MAST4: variants seen among roughly 807,000 people sequenced by gnomAD.
MAST4 encodes microtubule associated serine/threonine kinase family member 4, also known as microtubule-associated serine/threonine-protein kinase 4.
In MAST4, 89 loss-of-function variants were observed where a neutral mutation model predicts 162.7. The ratio of observed to expected loss-of-function variants is 0.55; its 90% CI spans 0.46 to 0.65. MAST4 has a LOEUF of 0.65. MAST4 is among the 30% of genes least tolerant of loss of function. The pLI, the probability that MAST4 is intolerant of heterozygous loss-of-function variation, is 0.00. For missense variants in MAST4, 3,153 were observed against 3,374.0 expected (o/e 0.93, Z 1.62); for synonymous variants, 1,479 against 1,361.1 (o/e 1.09, Z -1.91).
chr5:67,120,053 T>C (rs2150949141), intron 13 of MAST4, among the ~76,000 whole-genome samples: 1 of 152,322 alleles, frequency 6.6e-6, no homozygotes, highest in Middle Eastern at 3.4e-3. Flanking sequence ...TGATGGAGCA[T>C]TGGCAGGTGA....
chr5:67,125,961 G>A (rs1018190505), intron 14 of MAST4, among the ~76,000 whole-genome samples: 1 of 152,098 alleles, frequency 6.6e-6, no homozygotes, highest in African/African-American at 2.4e-5. Flanking sequence ...GGCGAGAGAT[G>A]GTATCTCATT....
intron 3 of MAST4, among the ~76,000 whole-genome samples, chr5:66,843,398 C>G (rs1389271284): frequency 6.6e-6 from 1 of 152,182 alleles, no homozygotes; most frequent in African/African-American, 2.4e-5. Flanking sequence ...AGTTAGCCTT[C>G]CTGAACAGTT....
intron 4 of MAST4, among the ~76,000 whole-genome samples, chr5:66,911,567 C>T (rs1403935415): frequency 2.6e-5 from 2 of 76,798 alleles, no homozygotes; most frequent in Non-Finnish European, 5.8e-5. Context: ...AACCCCCCCC[C>T]CCCCCCCCGC....
chr5:66,973,040 A>G (rs1434955125), intron 4 of MAST4, among the ~76,000 whole-genome samples: 1 of 152,158 alleles, frequency 6.6e-6, no homozygotes, highest in Non-Finnish European at 1.5e-5. Flanking sequence ...AACACTTGCC[A>G]CATTTGCTCT....
chr5:67,162,835 G>A, intron 28 of MAST4, 47 bp downstream of exon 28: 1 of 1,542,372 alleles, frequency 6.5e-7, no homozygotes, highest in South Asian at 1.2e-5. Context: ...GGGAGGTAAA[G>A]TCATGTGAGG....
chr5:67,050,342 G>A (rs145727880), intron 4 of MAST4, among the ~76,000 whole-genome samples: 1 of 152,272 alleles, frequency 6.6e-6, no homozygotes, highest in Non-Finnish European at 1.5e-5. Context: ...TCCTGGTGGT[G>A]ACCTCATGTC....
At chr5:67,036,944 T>G (rs1756091379) in intron 4 of MAST4, among the ~76,000 whole-genome samples, 1 of 152,180 alleles carries the variant, frequency 6.6e-6, no homozygotes, top group Non-Finnish European at 1.5e-5. Context: ...GACTAATCAT[T>G]TGTCCCTCAC....
At chr5:66,718,852 T>A (rs536910838) in intron 1 of MAST4, among the ~76,000 whole-genome samples, 3 of 152,250 alleles carry the variant, frequency 2.0e-5, no homozygotes, top group South Asian at 4.1e-4. Flanking sequence ...TGACTTCGAG[T>A]ATAGTTTGTG....
chr5:66,731,694 C>T (rs1275805625), intron 1 of MAST4, among the ~76,000 whole-genome samples: 1 of 151,932 alleles, frequency 6.6e-6, no homozygotes, highest in Admixed American at 6.6e-5. Flanking sequence ...CCTTTGTCTC[C>T]ACTCTCATTT....
At chr5:66,938,753 C>A (rs1019802887) in intron 4 of MAST4, among the ~76,000 whole-genome samples, 1 of 152,098 alleles carries the variant, frequency 6.6e-6, no homozygotes, top group African/African-American at 2.4e-5. Flanking sequence ...TCAGTAGGCA[C>A]AAGATTGGTT....
At chr5:66,935,094 T>A (rs1742598083) in intron 4 of MAST4, among the ~76,000 whole-genome samples, 1 of 152,076 alleles carries the variant, frequency 6.6e-6, no homozygotes, top group African/African-American at 2.4e-5. Context: ...CGTGAGAGAG[T>A]GTATCAAAAA....
chr5:66,947,624 T>C (rs1226993333), intron 4 of MAST4, among the ~76,000 whole-genome samples: 1 of 152,172 alleles, frequency 6.6e-6, no homozygotes, highest in Non-Finnish European at 1.5e-5. Context: ...GAAATATCCA[T>C]AGGAGTCTCT....
chr5:67,144,912 C>G, intron 22 of MAST4, 116 bp downstream of exon 22: 1 of 1,260,766 alleles, frequency 7.9e-7, no homozygotes, highest in Non-Finnish European at 1.1e-6. Flanking sequence ...CTCCCACTTC[C>G]AGAGTTTCTC....
At chr5:67,074,288 CATG>C in intron 5 of MAST4, among the ~76,000 whole-genome samples, 1 of 151,924 alleles carries the variant, frequency 6.6e-6, no homozygotes, top group East Asian at 1.9e-4. Context: ...AAACAGCAAA[CATG>C]GTAATATTCA....
chr5:66,752,006 A>G (rs1025547780), intron 1 of MAST4, among the ~76,000 whole-genome samples: 1 of 152,014 alleles, frequency 6.6e-6, no homozygotes, highest in Non-Finnish European at 1.5e-5. Flanking sequence ...TCTTAAAGAA[A>G]AGAATTTTCA....
chr5:67,095,545 C>T, intron 6 of MAST4, 52 bp from the exon 7 acceptor site: 3 of 1,402,574 alleles, frequency 2.1e-6, no homozygotes, highest in Non-Finnish European at 3.0e-6. Flanking sequence ...CCTGGGGTTC[C>T]CATGTGACAG....
intron 1 of MAST4, among the ~76,000 whole-genome samples, chr5:66,652,611 A>C (rs1192624478): frequency 6.6e-6 from 1 of 152,206 alleles, no homozygotes; most frequent in African/African-American, 2.4e-5. Flanking sequence ...TAAGAAATAG[A>C]ATTCAATCTT....
At chr5:66,837,861 A>ATT (rs1758088541) in intron 3 of MAST4, among the ~76,000 whole-genome samples, 1 of 79,468 alleles carries the variant, frequency 1.3e-5, no homozygotes, top group Non-Finnish European at 2.2e-5. Context: ...GTGAGACTTG[A>ATT]TTTTATATAT....
At chr5:66,787,707 G>T (rs1172056607) in intron 2 of MAST4, among the ~76,000 whole-genome samples, 1 of 152,160 alleles carries the variant, frequency 6.6e-6, no homozygotes, top group Non-Finnish European at 1.5e-5. Flanking sequence ...CCCAACACAT[G>T]GCCCTAAGAT....
Sources: allele counts gnomAD v4.1 joint callset (sites outside exome capture counted in the v4.1 genomes callset), GRCh38; gene constraint gnomAD v4.1.1; transcripts MANE v1.5; gene names NCBI Gene and HGNC (gene_info 2026-07-23, HGNC 2026-07-21).